The following ZNHIT6 variants were observed in gnomAD, a reference collection of about 807,000 sequenced individuals.
ZNHIT6 encodes box C/D snoRNA protein 1.
ZNHIT6 carries 45 observed loss-of-function variants against 57.2 expected under a neutral mutation model. The ratio of observed to expected loss-of-function variants is 0.79; its 90% CI spans 0.62 to 1.01. The LOEUF (loss-of-function observed/expected upper bound fraction) is 1.01, where lower values mean the gene tolerates loss of function less well. Among genes scored for constraint, ZNHIT6 ranks in the 50% least tolerant of loss-of-function variants. The probability of loss-of-function intolerance (pLI) is 0.00; values close to 1 mark genes in which losing one functional copy is unlikely to be tolerated. For missense variants in ZNHIT6, 528 were observed against 567.3 expected (o/e 0.93, Z 0.70); for synonymous variants, 188 against 190.0 (o/e 0.99, Z 0.09).
chr1:85,694,291 C>T (rs138597842), intron 5 of ZNHIT6, among the ~76,000 whole-genome samples: 11 of 152,020 alleles, frequency 7.2e-5, no homozygotes, highest in African/African-American at 2.7e-4. Context: ...GTATTCAGGG[C>T]CCAGTAGAGG....
chr1:85,661,862 A>G (rs1661231044), intron 8 of ZNHIT6, among the ~76,000 whole-genome samples: 1 of 152,084 alleles, frequency 6.6e-6, no homozygotes, highest in African/African-American at 2.4e-5. Context: ...AGATACTAAC[A>G]TTTGTCTTTT....
chr1:85,673,920 TG>T (rs1661632970), intron 8 of ZNHIT6, among the ~76,000 whole-genome samples: 1 of 152,230 alleles, frequency 6.6e-6, no homozygotes, highest in East Asian at 1.9e-4. Flanking sequence ...TCATTACTTA[TG>T]ACTACAAAAT....
chr1:85,691,831 C>A (rs891092065), intron 5 of ZNHIT6, among the ~76,000 whole-genome samples: 15 of 151,978 alleles, frequency 9.9e-5, no homozygotes, highest in Admixed American at 2.6e-4. Flanking sequence ...GATTGCAGAG[C>A]GCTAAGATCA....
chr1:85,672,809 A>C (rs62690361), intron 8 of ZNHIT6, among the ~76,000 whole-genome samples: 6 of 146,256 alleles, frequency 4.1e-5, no homozygotes, highest in African/African-American at 7.5e-5. Flanking sequence ...AAAAAAAAAA[A>C]CCACGAAGAT....
chr1:85,690,505 G>A (rs2100699767), intron 5 of ZNHIT6, among the ~76,000 whole-genome samples: 1 of 152,278 alleles, frequency 6.6e-6, no homozygotes, highest in African/African-American at 2.4e-5. Flanking sequence ...CCTGCTCTCA[G>A]TGAGTAACAC....
intron 8 of ZNHIT6, among the ~76,000 whole-genome samples, chr1:85,662,423 T>G (rs1661251822): frequency 6.6e-6 from 1 of 152,176 alleles, no homozygotes; most frequent in Non-Finnish European, 1.5e-5. Context: ...CTACAATTTT[T>G]GATACTTAAC....
chr1:85,701,765 G>A (rs1367440708), intron 5 of ZNHIT6, among the ~76,000 whole-genome samples: 4 of 152,132 alleles, frequency 2.6e-5, no homozygotes, highest in Non-Finnish European at 5.9e-5. Flanking sequence ...GTTCCAGGGC[G>A]CTGCTACTCA....
At chr1:85,694,262 T>A (rs1321091731) in intron 5 of ZNHIT6, among the ~76,000 whole-genome samples, 3 of 152,198 alleles carry the variant, frequency 2.0e-5, no homozygotes, top group Admixed American at 2.0e-4. Flanking sequence ...ACTACGGAAC[T>A]CTAGTTAACG....
intron 5 of ZNHIT6, among the ~76,000 whole-genome samples, chr1:85,699,574 G>A (rs1237311521): frequency 1.3e-5 from 2 of 152,120 alleles, no homozygotes; most frequent in East Asian, 3.8e-4. Flanking sequence ...TTCAACAAAA[G>A]TTAAGGTATA....
chr1:85,683,262 T>C (rs1321291714), intron 5 of ZNHIT6, among the ~76,000 whole-genome samples: 1 of 152,130 alleles, frequency 6.6e-6, no homozygotes, highest in Non-Finnish European at 1.5e-5. Flanking sequence ...CTCACGCCTC[T>C]AATCCCAGCA....
At chr1:85,706,005 A>C in intron 4 of ZNHIT6, 73 bp downstream of exon 4, 1 of 1,194,436 alleles carries the variant, frequency 8.4e-7, no homozygotes. Context: ...TATATTTGGT[A>C]AGTTAAAAAA....
rs144205327 is a variant in ZNHIT6 at position 85,708,156 on chromosome 1, G to A, written c.129C>T (p.Gly43=). The A allele has an allele frequency of 1.1e-5, 17 of 1,613,794 alleles. No individual in the cohort carries two copies. Among genetic ancestry groups the A allele is most frequent in the Admixed American group, 5.0e-5 (3 of 59,964 alleles). Residue 43 remains glycine, a synonymous_variant, in exon 1 of 10, where the codon GGC becomes GGT. Coordinates refer to ENST00000370574, the MANE Select transcript of ZNHIT6 (RefSeq NM_017953.4). ...VRDLAGAEEF[G]GGEEGTGLTG... ...TCAGCCCTGTCCCCTCCTCTCCGCC[G>A]CCGAACTCCTCCGCCCCTGCTAAGT...
intron 8 of ZNHIT6, among the ~76,000 whole-genome samples, chr1:85,668,705 C>T (rs1256153623): frequency 2.0e-5 from 3 of 152,118 alleles, no homozygotes; most frequent in African/African-American, 7.2e-5. Context: ...AAAACAAAGT[C>T]ATCTAATTTT....
chr1:85,669,911 A>C (rs1375261900), intron 8 of ZNHIT6, among the ~76,000 whole-genome samples: 2 of 152,176 alleles, frequency 1.3e-5, no homozygotes, highest in Non-Finnish European at 2.9e-5. Context: ...AGCACATGGA[A>C]GGGGCTCAAT....
At chr1:85,664,443 G>A (rs1451948081) in intron 8 of ZNHIT6, among the ~76,000 whole-genome samples, 2 of 152,162 alleles carry the variant, frequency 1.3e-5, no homozygotes, top group Non-Finnish European at 2.9e-5. Context: ...GTCAGCTCCT[G>A]TACTGTTTTA....
In ZNHIT6 at chr1:85,695,758, C is replaced by T. The variant is rs187552847; in HGVS notation, c.1019+6399G>A. On this transcript the variant is annotated intron_variant, in intron 5 of 9. Transcript: ENST00000370574. ...GGGGACAAAACAACATGGTTCAGGC[C>T]GGGCGCGGTGGCTCACGCCTTTAAT... 1.1e-3 allele frequency among the ~76,000 whole-genome samples: 165 copies of T among 152,318 alleles called. 1 individual carries two copies. The highest frequency in any genetic ancestry group is 3.6e-3 in the African/African-American group (151 of 41,570).
chr1:85,700,795 A>G (rs962985246), intron 5 of ZNHIT6, among the ~76,000 whole-genome samples: 1 of 152,226 alleles, frequency 6.6e-6, no homozygotes, highest in African/African-American at 2.4e-5. Context: ...CACATTTGAT[A>G]AATGCAAGAC....
chr1:85,678,585 A>T, intron 7 of ZNHIT6, 116 bp downstream of exon 7: 1 of 694,160 alleles, frequency 1.4e-6, no homozygotes, highest in Non-Finnish European at 2.4e-6. Context: ...ACACCAAGAA[A>T]ATGTGATAGA....
intron 5 of ZNHIT6, among the ~76,000 whole-genome samples, chr1:85,698,501 T>C (rs931601214): frequency 1.3e-5 from 2 of 152,152 alleles, no homozygotes; most frequent in African/African-American, 2.4e-5. Flanking sequence ...GTAGACTTTA[T>C]AGAAAAGTTA....
Sources: allele counts gnomAD v4.1 joint callset (sites outside exome capture counted in the v4.1 genomes callset), GRCh38; gene constraint gnomAD v4.1.1; transcripts MANE v1.5; gene names NCBI Gene and HGNC (gene_info 2026-07-23, HGNC 2026-07-21).